SLC25A42: variants seen among roughly 807,000 people sequenced by gnomAD.
SLC25A42 encodes mitochondrial coenzyme A transporter SLC25A42.
SLC25A42 carries 19 observed loss-of-function variants against 34.7 expected under a neutral mutation model. That is an observed-to-expected ratio of 0.55 (90% confidence interval 0.38 to 0.80). SLC25A42 has a LOEUF of 0.80. Ranked by LOEUF, SLC25A42 falls within the 30% of genes least tolerant of loss-of-function variation. SLC25A42 has a pLI of 0.00. For missense variants in SLC25A42, 364 were observed against 441.3 expected (o/e 0.82, Z 1.57); for synonymous variants, 205 against 191.2 (o/e 1.07, Z -0.59).
At chr19:19,108,816 G>T (rs1171279173) in intron 7 of SLC25A42, among the ~76,000 whole-genome samples, 1 of 152,078 alleles carries the variant, frequency 6.6e-6, no homozygotes, top group Non-Finnish European at 1.5e-5. Flanking sequence ...TAGAGATGGG[G>T]TCTCCCTCTG....
chr19:19,109,834 C>G lies in SLC25A42; in HGVS notation c.650-735C>G, dbSNP rs1233090178. ...CTTCCTCCTCCACACCCACACACCC[C>G]GTTTAGACCCGCAAGACAGAGCAGG... On this transcript the variant is annotated intron_variant, in intron 7 of 7. Coordinates refer to ENST00000318596, the MANE Select transcript of SLC25A42 (RefSeq NM_178526.5). This position sits in a 1 kb window ranked among gnomAD's most constrained non-coding sequence, Gnocchi z 4.1. 2.0e-5 allele frequency among the ~76,000 whole-genome samples: 3 copies of G among 152,192 alleles called. No individual in the cohort carries two copies.
intron 1 of SLC25A42, among the ~76,000 whole-genome samples, chr19:19,084,689 C>T (rs1376118306): frequency 1.3e-5 from 2 of 152,130 alleles, no homozygotes; most frequent in Non-Finnish European, 2.9e-5. Context: ...GACAGAGGCC[C>T]CTGGCTGAAC....
intron 1 of SLC25A42, among the ~76,000 whole-genome samples, chr19:19,084,614 C>T (rs765025972): frequency 2.0e-5 from 3 of 152,160 alleles, no homozygotes; most frequent in Non-Finnish European, 4.4e-5. Flanking sequence ...GAGCTTAACC[C>T]ATCCCCATCC....
intron 3 of SLC25A42, among the ~76,000 whole-genome samples, chr19:19,103,357 A>T (rs1156263591): frequency 2.0e-5 from 3 of 152,162 alleles, no homozygotes; most frequent in African/African-American, 7.2e-5. Context: ...GGCCTCCCAA[A>T]GTGCTGGGAT....
chr19:19,088,797 C>CTT (rs556351502), intron 1 of SLC25A42, among the ~76,000 whole-genome samples: 2 of 146,738 alleles, frequency 1.4e-5, no homozygotes, highest in African/African-American at 5.0e-5. Flanking sequence ...TGCGCCCGGC[C>CTT]TTTTTTTTTT....
At chr19:19,068,824 C>G (rs1038293026) in intron 1 of SLC25A42, among the ~76,000 whole-genome samples, 1 of 146,042 alleles carries the variant, frequency 6.8e-6, no homozygotes, top group East Asian at 2.0e-4. Context: ...GGTGACAGAG[C>G]GACACTCAGT....
intron 1 of SLC25A42, among the ~76,000 whole-genome samples, chr19:19,091,048 C>T (rs930425072): frequency 6.6e-5 from 10 of 152,246 alleles, no homozygotes; most frequent in African/African-American, 1.9e-4. Flanking sequence ...AAAAGCGTGA[C>T]TCTTGGGCCC....
Position 19,111,248 on chromosome 19 carries a change from C to T in SLC25A42, c.*372C>T. The T allele has an allele frequency of 3.5e-6, 1 of 288,130 alleles. No individual in the cohort carries two copies. The highest frequency in any genetic ancestry group is 2.3e-5 in the African/African-American group (1 of 43,952). The allele number at this position is 288,130 out of a possible 1,614,324, so 17.8% of individuals were successfully genotyped here. On this transcript the variant is annotated 3_prime_UTR_variant, in exon 8 of 8. Transcript: ENST00000318596. Reference sequence around the variant, plus strand: ...TCTAGTGACCCCTGTCCCCACCAGGCTCAGAGCCAGACCGCGCCTGGACCT... The same window carrying T: ...TCTAGTGACCCCTGTCCCCACCAGGTTCAGAGCCAGACCGCGCCTGGACCT...
intron 2 of SLC25A42, among the ~76,000 whole-genome samples, chr19:19,099,141 C>T (rs565400935): frequency 1.3e-5 from 2 of 152,242 alleles, no homozygotes; most frequent in East Asian, 3.9e-4. Context: ...CACCAACAAG[C>T]GCCCGCAATT....
At chr19:19,099,424 G>A (rs1474261491) in intron 2 of SLC25A42, among the ~76,000 whole-genome samples, 2 of 152,198 alleles carry the variant, frequency 1.3e-5, no homozygotes, top group Admixed American at 1.3e-4. Context: ...ACATGTGGGA[G>A]AGGGTCTGAG....
chr19:19,068,165 C>A (rs2059611729), intron 1 of SLC25A42, among the ~76,000 whole-genome samples: 1 of 151,248 alleles, frequency 6.6e-6, no homozygotes, highest in South Asian at 2.1e-4. Flanking sequence ...ACCAGCATGA[C>A]CAACATGGTG....
chr19:19,107,782 A>G (rs1233644605), intron 6 of SLC25A42, 112 bp from the exon 7 acceptor site: 5 of 1,027,112 alleles, frequency 4.9e-6, no homozygotes, highest in Non-Finnish European at 5.9e-6. Flanking sequence ...AAACATCAAC[A>G]TCCAGACACA....
intron 1 of SLC25A42, among the ~76,000 whole-genome samples, chr19:19,074,702 AGTGT>A (rs1296358796): frequency 2.6e-5 from 4 of 151,364 alleles, no homozygotes; most frequent in East Asian, 3.9e-4. Flanking sequence ...TGTGTGAGAG[AGTGT>A]GTGTGTGCGT....
chr19:19,080,683 GAGGCCA>G (rs2059676718), intron 1 of SLC25A42, among the ~76,000 whole-genome samples: 2 of 152,076 alleles, frequency 1.3e-5, no homozygotes, highest in Non-Finnish European at 2.9e-5. Flanking sequence ...AGCACTTTGG[GAGGCCA>G]AGGTGGGCAG....
Position 19,101,813 on chromosome 19 carries a change from G to A in SLC25A42, c.114G>A (p.Leu38=). ...RDHRQVLSSL[L]SGALAGALAK... ...ACAGGCAAGTGCTCAGCTCCCTGCT[G>A]TCTGGGGCCCTGGCTGGTGCCCTTG... The change falls in exon 3 of 8, where the codon CTG becomes CTA. Residue 38 remains leucine, a synonymous_variant. Transcript: ENST00000318596. 6.2e-7 allele frequency: 1 copy of A among 1,613,924 alleles called. No homozygotes were observed. Among genetic ancestry groups the A allele is most frequent in the Non-Finnish European group, 8.5e-7 (1 of 1,179,900 alleles).
intron 1 of SLC25A42, among the ~76,000 whole-genome samples, chr19:19,066,036 T>C (rs1182003747): frequency 6.6e-6 from 1 of 152,098 alleles, no homozygotes; most frequent in Non-Finnish European, 1.5e-5. Flanking sequence ...TTTGTATTTT[T>C]AATAGAAACG....
rs906990209 is a variant in SLC25A42 at position 19,081,441 on chromosome 19, T to C, written c.-34-14650T>C. ...AAGCATGTTTCATGTTTTGTCCTCATAGCGTCCCTGGCAGTGTCATGGGAC... is the reference window on the plus strand; with the variant it reads ...AAGCATGTTTCATGTTTTGTCCTCACAGCGTCCCTGGCAGTGTCATGGGAC... On this transcript the variant is annotated intron_variant, in intron 1 of 7. Transcript: ENST00000318596. The surrounding 1 kb of genome is among the most constrained non-coding windows in gnomAD (Gnocchi z 4.5). Among the ~76,000 whole-genome samples, 1 of 152,222 alleles carries C rather than the reference T, an allele frequency of 6.6e-6. No homozygotes were observed. Among genetic ancestry groups the C allele is most frequent in the African/African-American group, 2.4e-5 (1 of 41,450 alleles).
At chr19:19,094,510 C>T (rs906934425) in intron 1 of SLC25A42, among the ~76,000 whole-genome samples, 28 of 152,310 alleles carry the variant, frequency 1.8e-4, no homozygotes, top group South Asian at 2.1e-4. Flanking sequence ...GGCACCTCCA[C>T]GTACGTGCTC....
At chr19:19,096,612 C>T (rs1301863263) in intron 2 of SLC25A42, among the ~76,000 whole-genome samples, 1 of 151,982 alleles carries the variant, frequency 6.6e-6, no homozygotes, top group Non-Finnish European at 1.5e-5. Flanking sequence ...TCTTGGAGCC[C>T]CCTTTTCTCC....
Sources: allele counts gnomAD v4.1 joint callset (sites outside exome capture counted in the v4.1 genomes callset), GRCh38; gene constraint gnomAD v4.1.1; non-coding constraint Gnocchi (gnomAD v3.1); transcripts MANE v1.5; gene names NCBI Gene and HGNC (gene_info 2026-07-23, HGNC 2026-07-21).